Variants in SH3PXD2B observed in about 807,000 individuals in gnomAD.
The protein encoded by SH3PXD2B is SH3 and PX domains 2B, also known as SH3 and PX domain-containing protein 2B.
In SH3PXD2B, 37 loss-of-function variants were observed where a neutral mutation model predicts 73.1. That is an observed-to-expected ratio of 0.51 (90% CI 0.39 to 0.67). SH3PXD2B has a LOEUF of 0.67. Among genes scored for constraint, SH3PXD2B ranks in the 30% least tolerant of loss-of-function variants. SH3PXD2B has a pLI of 0.00. For synonymous variants in SH3PXD2B, 457 were observed against 480.5 expected (o/e 0.95, Z 0.64); for missense variants, 1,053 against 1,197.8 (o/e 0.88, Z 1.78).
At chr5:172,432,126 T>G (rs1015742124) in intron 1 of SH3PXD2B, among the ~76,000 whole-genome samples, 3 of 152,172 alleles carry the variant, frequency 2.0e-5, no homozygotes, top group African/African-American at 7.2e-5. Flanking sequence ...TGAGCTGAGA[T>G]TGTGCTACTG....
Position 172,337,753 on chromosome 5 carries a change from C to A in SH3PXD2B, c.*616G>T. 9 of 994,734 alleles carry A rather than the reference C, an allele frequency of 9.0e-6. No homozygotes were observed. The highest frequency in any genetic ancestry group is 1.1e-5 in the Non-Finnish European group (9 of 835,392). 61.6% of individuals were successfully genotyped at this position (994,734 alleles called of 1,614,324 possible). The stretch of plus-strand genomic sequence containing the variant: ...CAGGGCGGCTGAGCGGATCTCCAGG[C>A]CCACTCCTGGGGGAGCCGCATCCAG... On this transcript the variant is annotated 3_prime_UTR_variant, in exon 13 of 13. Coordinates refer to ENST00000311601, the MANE Select transcript of SH3PXD2B (RefSeq NM_001017995.3).
chr5:172,383,830 C>T (rs1053539701), intron 4 of SH3PXD2B, among the ~76,000 whole-genome samples: 2 of 150,638 alleles, frequency 1.3e-5, no homozygotes, highest in African/African-American at 4.9e-5. Context: ...AGAGATGTGT[C>T]TTGCATTTCC....
intron 1 of SH3PXD2B, among the ~76,000 whole-genome samples, chr5:172,441,415 G>A (rs531014851): frequency 1.3e-5 from 2 of 152,340 alleles, no homozygotes; most frequent in Non-Finnish European, 2.9e-5. Flanking sequence ...CACCAAGGAC[G>A]TCAGTGGCCG....
Position 172,351,256 on chromosome 5 carries a change from C to T in SH3PXD2B, c.786-667G>A, listed in dbSNP as rs143473215. Among the ~76,000 whole-genome samples, 13 of 152,290 alleles carry T rather than the reference C, an allele frequency of 8.5e-5. No homozygotes were observed. In the East Asian group the frequency reaches 1.9e-3, roughly 23 times the overall value. ...GCGATTCTCCCAACTCAGTCTCCTA[C>T]GTAGCTGGAATTACAGGTACACACC... On this transcript the variant is annotated intron_variant, in intron 9 of 12. Transcript: ENST00000311601.
chr5:172,335,624 C>CACG lies in SH3PXD2B; in HGVS notation c.*2742_*2744dup. On this transcript the variant is annotated 3_prime_UTR_variant, in exon 13 of 13. Coordinates refer to ENST00000311601, the MANE Select transcript of SH3PXD2B (RefSeq NM_001017995.3). ...CCAGCCCGGTGCTTGGCACCATTGTCACGATGGGCCTGGACACTTTCTAGA... is the reference window on the plus strand; with the variant it reads ...CCAGCCCGGTGCTTGGCACCATTGTCACGACGATGGGCCTGGACACTTTCTAGA... The CACG allele has an allele frequency of 8.1e-7, 1 of 1,231,844 alleles. No homozygotes were observed. The highest frequency in any genetic ancestry group is 1.0e-6 in the Non-Finnish European group (1 of 988,064). The allele number at this position is 1,231,844 out of a possible 1,614,324, so 76.3% of individuals were successfully genotyped here.
intron 4 of SH3PXD2B, among the ~76,000 whole-genome samples, chr5:172,383,517 G>A (rs553779972): frequency 2.0e-4 from 31 of 152,360 alleles, no homozygotes; most frequent in African/African-American, 6.7e-4. Flanking sequence ...TGAATAAACA[G>A]CTCAGTTTAA....
At chr5:172,332,760 T>C (rs1201526310), downstream of SH3PXD2B, among the ~76,000 whole-genome samples, 4 of 152,028 alleles carry the variant, frequency 2.6e-5, no homozygotes, top group Admixed American at 6.6e-5. Context: ...TGGTGTCCTG[T>C]TAGTCACCTG....
chr5:172,386,499 G>A (rs1422514313), intron 4 of SH3PXD2B, among the ~76,000 whole-genome samples: 1 of 152,214 alleles, frequency 6.6e-6, no homozygotes, highest in Non-Finnish European at 1.5e-5. Context: ...CCTGAGAGCA[G>A]GACGGGCTCT....
chr5:172,423,925 G>A (rs1759034927), intron 1 of SH3PXD2B, among the ~76,000 whole-genome samples: 1 of 152,090 alleles, frequency 6.6e-6, no homozygotes, highest in Admixed American at 6.5e-5. Flanking sequence ...TTACATGCTT[G>A]AGCCACCGCG....
Position 172,336,702 on chromosome 5 carries a change from G to T in SH3PXD2B, c.*1667C>A. 1.0e-6 allele frequency: 1 copy of T among 984,542 alleles called. No homozygotes were observed. Among genetic ancestry groups the T allele is most frequent in the Non-Finnish European group, 1.2e-6 (1 of 829,238 alleles). 61.0% of individuals were successfully genotyped at this position (984,542 alleles called of 1,614,324 possible). On this transcript the variant is annotated 3_prime_UTR_variant, in exon 13 of 13. Coordinates refer to ENST00000311601, the MANE Select transcript of SH3PXD2B (RefSeq NM_001017995.3). ...CTCTGGGGCAGGGCAGGGTGGGGAG[G>T]GGCGGGGCAGGGCAGGGCAGGGCTG...
chr5:172,378,741 G>A (rs1331841412), intron 5 of SH3PXD2B, among the ~76,000 whole-genome samples: 1 of 152,114 alleles, frequency 6.6e-6, no homozygotes, highest in African/African-American at 2.4e-5. Context: ...TGAGGCAAGG[G>A]GCAGAAAAAC....
chr5:172,398,208 C>T (rs1287633683), intron 3 of SH3PXD2B, among the ~76,000 whole-genome samples: 1 of 152,214 alleles, frequency 6.6e-6, no homozygotes, highest in Non-Finnish European at 1.5e-5. Context: ...CCGTTGAAAC[C>T]GGCATGCCTG....
At chr5:172,423,555 G>GC (rs1561934829) in intron 1 of SH3PXD2B, among the ~76,000 whole-genome samples, 3 of 143,546 alleles carry the variant, frequency 2.1e-5, no homozygotes, top group South Asian at 2.4e-4. Context: ...TGGGGGGGGG[G>GC]GCGCACATTC....
At chr5:172,329,059 G>A (rs13177045), downstream of SH3PXD2B, among the ~76,000 whole-genome samples, 664 of 96,732 alleles carry the variant, frequency 6.9e-3, 7 homozygotes, top group African/African-American at 0.018. Flanking sequence ...GTGTGTGTGT[G>A]TATATATATA....
intron 11 of SH3PXD2B, 114 bp downstream of exon 11, chr5:172,347,169 T>G: frequency 9.6e-7 from 1 of 1,037,706 alleles, no homozygotes; most frequent in Non-Finnish European, 1.5e-6. Flanking sequence ...AAGGCTGTTG[T>G]GTGGACAGGA....
rs760377829 is a variant in SH3PXD2B, at chr5:172,339,758, C to G, written c.1347G>C (p.Leu449=). ...PLPHEVTQLR[L]GEAAALENNT... ...TGTTCTCCAGCGCTGCTGCTTCCCCCAGCCGGAGCTGGGTCACCTCGTGGG... is the reference window on the plus strand; with the variant it reads ...TGTTCTCCAGCGCTGCTGCTTCCCCGAGCCGGAGCTGGGTCACCTCGTGGG... The change falls in exon 13 of 13, where the codon CTG becomes CTC. Residue 449 remains leucine, a synonymous_variant. Coordinates refer to ENST00000311601, the MANE Select transcript of SH3PXD2B (RefSeq NM_001017995.3). This position sits in a 1 kb window ranked among gnomAD's most constrained non-coding sequence, Gnocchi z 6.1. The G allele has an allele frequency of 1.2e-6, 2 of 1,613,306 alleles. No homozygotes were observed.
intron 2 of SH3PXD2B, among the ~76,000 whole-genome samples, chr5:172,416,769 C>T (rs1758836808): frequency 7.4e-6 from 1 of 135,232 alleles, no homozygotes; most frequent in African/African-American, 2.8e-5. Context: ...AGTGCAGTGG[C>T]ACAATCTCAG....
rs149958901 is a variant in SH3PXD2B at position 172,418,776 on chromosome 5, A to G, written c.156+3640T>C. On this transcript the variant is annotated intron_variant, in intron 2 of 12. Coordinates refer to ENST00000311601, the MANE Select transcript of SH3PXD2B (RefSeq NM_001017995.3). ...CCTGGATGAAGTCCTGCCTTAGACA[A>G]CTTTGTTACAGGAGGGAAGCCTGTC... Among the ~76,000 whole-genome samples the G allele has an allele frequency of 2.0e-3, 301 of 152,320 alleles. 2 individuals are homozygous for G. The highest frequency in any genetic ancestry group is 6.8e-3 in the African/African-American group (284 of 41,574).
At chr5:172,444,927 C>T (rs1759630594) in intron 1 of SH3PXD2B, among the ~76,000 whole-genome samples, 4 of 152,174 alleles carry the variant, frequency 2.6e-5, no homozygotes, top group Admixed American at 1.3e-4. Flanking sequence ...TCAGGTCAGC[C>T]AGGAGCCCCC....
Sources: gnomAD v4.1 joint callset for allele counts (sites outside exome capture counted in the v4.1 genomes callset) on GRCh38, gnomAD v4.1.1 for gene constraint, Gnocchi (gnomAD v3.1) non-coding constraint, MANE v1.5 for transcripts, NCBI Gene and HGNC (gene_info 2026-07-23, HGNC 2026-07-21) for gene names.